Variants in TMEM117 observed in about 807,000 individuals in gnomAD.
TMEM117 encodes transmembrane protein 117.
TMEM117 carries 27 observed loss-of-function variants against 52.4 expected under a neutral mutation model. That is an observed-to-expected ratio of 0.51 (90% CI 0.38 to 0.71). The LOEUF (loss-of-function observed/expected upper bound fraction) is 0.71. Among genes scored for constraint, TMEM117 ranks in the 30% least tolerant of loss-of-function variants. TMEM117 has a pLI of 0.00. For missense variants in TMEM117, 556 were observed against 630.5 expected (o/e 0.88, Z 1.26); for synonymous variants, 215 against 206.3 (o/e 1.04, Z -0.36).
At chr12:44,027,362 T>G (rs536932323) in intron 3 of TMEM117, among the ~76,000 whole-genome samples, 2 of 151,680 alleles carry the variant, frequency 1.3e-5, no homozygotes, top group South Asian at 4.2e-4. Context: ...TTAGTAGAGA[T>G]GGGGTTTCAC....
chr12:44,052,696 C>T (rs941195464), intron 3 of TMEM117, among the ~76,000 whole-genome samples: 3 of 152,174 alleles, frequency 2.0e-5, no homozygotes, highest in Non-Finnish European at 4.4e-5. Context: ...GTGTGGCCCA[C>T]GTCTGACCCA....
intron 7 of TMEM117, among the ~76,000 whole-genome samples, chr12:44,387,384 A>G (rs1419051151): frequency 6.6e-6 from 1 of 152,000 alleles, no homozygotes; most frequent in African/African-American, 2.4e-5. Context: ...CTTCAAATAT[A>G]TCTTTTCAAG....
intron 2 of TMEM117, among the ~76,000 whole-genome samples, chr12:43,910,149 A>C (rs1182508030): frequency 7.0e-6 from 1 of 143,490 alleles, no homozygotes; most frequent in African/African-American, 2.5e-5. Context: ...ATCCACCATG[A>C]TCAAGTGGGC....
At chr12:43,936,170 G>C (rs1408682859) in intron 2 of TMEM117, among the ~76,000 whole-genome samples, 1 of 151,764 alleles carries the variant, frequency 6.6e-6, no homozygotes, top group African/African-American at 2.4e-5. Flanking sequence ...AGATGGAAAA[G>C]GTTGAAGTAA....
At chr12:43,893,380 G>C (rs1331493760) in intron 2 of TMEM117, among the ~76,000 whole-genome samples, 1 of 152,168 alleles carries the variant, frequency 6.6e-6, no homozygotes, top group Non-Finnish European at 1.5e-5. Flanking sequence ...TGACACTTTA[G>C]TGCTTAAAAA....
chr12:44,384,654 TC>T (rs1952064427), intron 7 of TMEM117, among the ~76,000 whole-genome samples: 1 of 152,170 alleles, frequency 6.6e-6, no homozygotes, highest in Non-Finnish European at 1.5e-5. Context: ...CATGTCATCT[TC>T]CTATTATTGT....
intron 4 of TMEM117, among the ~76,000 whole-genome samples, chr12:44,198,490 C>T (rs1475543353): frequency 6.6e-6 from 1 of 152,070 alleles, no homozygotes; most frequent in Non-Finnish European, 1.5e-5. Flanking sequence ...AAACTCTTTA[C>T]CTGTCATGAT....
At position 44,388,564 on chromosome 12, in the gene TMEM117, G is replaced by A. The variant is rs1376186763; in HGVS notation, c.1437G>A (p.Lys479=). 6.2e-7 allele frequency: 1 copy of A among 1,613,530 alleles called. No homozygotes were observed. The highest frequency in any genetic ancestry group is 1.3e-5 in the African/African-American group (1 of 74,996). Residue 479 remains lysine, a synonymous_variant, in exon 8 of 8, where the codon AAG becomes AAA. Coordinates refer to ENST00000266534, the MANE Select transcript of TMEM117 (RefSeq NM_032256.3). ...IRSDFNEIVY[K]SSHLTSENLS... ...CTGACTTCAATGAGATCGTCTACAA[G>A]TCTTCCCACCTAACCTCGGAAAACT...
the TMEM117 span, among the ~76,000 whole-genome samples, chr12:44,398,948 C>T: frequency 1.3e-5 from 2 of 151,986 alleles, no homozygotes; most frequent in Non-Finnish European, 1.5e-5. Flanking sequence ...TATCTAGTGC[C>T]TCTCTCAGGA....
intron 2 of TMEM117, among the ~76,000 whole-genome samples, chr12:43,877,040 A>G (rs1399084131): frequency 2.6e-5 from 4 of 152,178 alleles, no homozygotes; most frequent in Admixed American, 2.0e-4. Flanking sequence ...TGTGTCTAAC[A>G]TAATTTATTT....
intron 6 of TMEM117, among the ~76,000 whole-genome samples, chr12:44,309,142 A>T (rs1272077986): frequency 1.3e-5 from 2 of 152,232 alleles, no homozygotes; most frequent in African/African-American, 4.8e-5. Flanking sequence ...TAGACCGACA[A>T]GTTCATTAAT....
chr12:44,312,874 T>C (rs1188499683), intron 6 of TMEM117, among the ~76,000 whole-genome samples: 1 of 152,226 alleles, frequency 6.6e-6, no homozygotes, highest in African/African-American at 2.4e-5. Flanking sequence ...ATGAGCATTT[T>C]TTCATAAGCT....
At chr12:43,987,420 A>G (rs557496510) in intron 3 of TMEM117, among the ~76,000 whole-genome samples, 1 of 152,194 alleles carries the variant, frequency 6.6e-6, no homozygotes, top group East Asian at 1.9e-4. Flanking sequence ...GATGTCTTTA[A>G]TTCTGTTTAA....
At chr12:43,800,379 G>T in the TMEM117 span, 1 of 1,318,252 alleles carries the variant, frequency 7.6e-7, no homozygotes, top group Non-Finnish European at 1.1e-6. Flanking sequence ...TTACCTAGGA[G>T]TTCCTCTTTA....
At chr12:44,379,010 G>A (rs1242551842) in intron 7 of TMEM117, among the ~76,000 whole-genome samples, 6 of 152,144 alleles carry the variant, frequency 3.9e-5, no homozygotes, top group East Asian at 3.9e-4. Flanking sequence ...GGGGCTGAAC[G>A]TGGTGGCTCA....
intron 3 of TMEM117, among the ~76,000 whole-genome samples, chr12:44,109,955 T>C (rs1948028395): frequency 1.1e-5 from 1 of 93,028 alleles, no homozygotes. Flanking sequence ...AGGTATTTTA[T>C]TCTCTTGGAA....
intron 2 of TMEM117, among the ~76,000 whole-genome samples, chr12:43,875,760 T>A (rs1943784580): frequency 6.6e-6 from 1 of 152,166 alleles, no homozygotes; most frequent in African/African-American, 2.4e-5. Flanking sequence ...ACTCCATTAT[T>A]GGGCCGGGCT....
intron 2 of TMEM117, among the ~76,000 whole-genome samples, chr12:43,924,174 G>A (rs1405881615): frequency 6.6e-6 from 1 of 152,168 alleles, no homozygotes; most frequent in Non-Finnish European, 1.5e-5. Context: ...TCTCCAGAGT[G>A]TGGTGTGGCT....
chr12:43,976,205 G>A (rs1326216641), intron 3 of TMEM117, among the ~76,000 whole-genome samples: 1 of 152,126 alleles, frequency 6.6e-6, no homozygotes, highest in Non-Finnish European at 1.5e-5. Flanking sequence ...GACTGTTAAA[G>A]GAGCTAATGA....
Sources: allele counts gnomAD v4.1 joint callset (sites outside exome capture counted in the v4.1 genomes callset), GRCh38; gene constraint gnomAD v4.1.1; transcripts MANE v1.5; gene names NCBI Gene and HGNC (gene_info 2026-07-23, HGNC 2026-07-21).